The following SLC24A2 variants were observed in gnomAD, a reference collection of about 807,000 sequenced individuals.
The protein encoded by SLC24A2 is solute carrier family 24 member 2.
A neutral mutation model predicts 62.0 loss-of-function variants in SLC24A2; 36 were observed. The observed-to-expected ratio is 0.58, with a 90% CI of 0.44 to 0.77. SLC24A2 has a LOEUF of 0.77. SLC24A2 is among the 30% of genes least tolerant of loss of function. The pLI is 0.00. For missense variants in SLC24A2, 846 were observed against 817.9 expected, an observed-to-expected ratio of 1.03 and a Z score of -0.42; for synonymous variants, 358 against 294.0, an observed-to-expected ratio of 1.22 and a Z score of -2.23.
At chr9:19,850,976 T>TACAC in the SLC24A2 span, among the ~76,000 whole-genome samples, 1 of 47,184 alleles carries the variant, frequency 2.1e-5, no homozygotes. Flanking sequence ...TGTATATATA[T>TACAC]ATATATATGT....
the SLC24A2 span, among the ~76,000 whole-genome samples, chr9:19,854,594 G>C: frequency 6.6e-6 from 1 of 152,154 alleles, no homozygotes; most frequent in Non-Finnish European, 1.5e-5. Context: ...TTTCCATGTA[G>C]TTGTGTGGTT....
At chr9:20,235,286 C>T in the SLC24A2 span, among the ~76,000 whole-genome samples, 1 of 152,244 alleles carries the variant, frequency 6.6e-6, no homozygotes, top group African/African-American at 2.4e-5. Flanking sequence ...GCAGAGGTTA[C>T]TGCTGTCTTT....
At chr9:20,252,529 C>T in the SLC24A2 span, among the ~76,000 whole-genome samples, 1 of 152,144 alleles carries the variant, frequency 6.6e-6, no homozygotes, top group Non-Finnish European at 1.5e-5. Context: ...AGGGATAGAG[C>T]ACTTGTTTCC....
chr9:20,226,533 T>G, the SLC24A2 span, among the ~76,000 whole-genome samples: 1 of 152,122 alleles, frequency 6.6e-6, no homozygotes, highest in African/African-American at 2.4e-5. Flanking sequence ...CTGCCAACAT[T>G]TGGCAGGTGG....
the SLC24A2 span, among the ~76,000 whole-genome samples, chr9:20,077,003 A>G: frequency 6.6e-6 from 1 of 150,996 alleles, no homozygotes; most frequent in Admixed American, 6.6e-5. Context: ...CACAACATGA[A>G]TGGACATGGA....
chr9:20,199,329 G>A, the SLC24A2 span, among the ~76,000 whole-genome samples: 2 of 152,210 alleles, frequency 1.3e-5, no homozygotes, highest in Non-Finnish European at 2.9e-5. Flanking sequence ...GAGCACCTAT[G>A]TGCTGAGACA....
the SLC24A2 span, among the ~76,000 whole-genome samples, chr9:20,292,173 A>T: frequency 2.6e-5 from 4 of 152,186 alleles, no homozygotes; most frequent in African/African-American, 9.7e-5. Context: ...TTGCTTGTGC[A>T]GGGGGAAACT....
At chr9:19,768,476 C>A (rs1216369012) in intron 2 of SLC24A2, among the ~76,000 whole-genome samples, 6 of 152,130 alleles carry the variant, frequency 3.9e-5, no homozygotes, top group Non-Finnish European at 7.4e-5. Context: ...TCCCAAGACC[C>A]CCACTGGATA....
intron 2 of SLC24A2, among the ~76,000 whole-genome samples, chr9:19,699,170 G>C (rs1820284292): frequency 6.6e-6 from 1 of 152,092 alleles, no homozygotes; most frequent in South Asian, 2.1e-4. Context: ...ACCTACTGCT[G>C]GGTCTCTGAG....
chr9:20,024,191 G>A, the SLC24A2 span, among the ~76,000 whole-genome samples: 1 of 152,162 alleles, frequency 6.6e-6, no homozygotes, highest in Non-Finnish European at 1.5e-5. Flanking sequence ...ACTACTTAAA[G>A]GAAAACAAAT....
intron 2 of SLC24A2, among the ~76,000 whole-genome samples, chr9:19,633,349 T>A (rs189460919): frequency 1.5e-3 from 222 of 152,360 alleles, no homozygotes; most frequent in African/African-American, 5.1e-3. Flanking sequence ...AATAAGACCA[T>A]GCTTTTGTTT....
At chr9:19,774,969 G>C (rs552524283) in intron 2 of SLC24A2, among the ~76,000 whole-genome samples, 16 of 152,292 alleles carry the variant, frequency 1.1e-4, no homozygotes, top group Middle Eastern at 3.4e-3. Context: ...CAGTATCTTG[G>C]AGATAAACTA....
At chr9:20,022,901 T>C in the SLC24A2 span, among the ~76,000 whole-genome samples, 1 of 152,208 alleles carries the variant, frequency 6.6e-6, no homozygotes, top group African/African-American at 2.4e-5. Flanking sequence ...CTATGCATGT[T>C]CACCACATTA....
the SLC24A2 span, among the ~76,000 whole-genome samples, chr9:20,172,461 A>G: frequency 8.9e-4 from 136 of 152,208 alleles, 2 homozygotes; most frequent in East Asian, 6.0e-3. Context: ...AGCAAGAGTA[A>G]CCAAGAAAAG....
chr9:19,550,391 T>G, intron 7 of SLC24A2, 123 bp from the exon 8 acceptor site: 1 of 895,004 alleles, frequency 1.1e-6, no homozygotes. Flanking sequence ...CTCGTTCCAG[T>G]AGCTTCATAT....
chr9:20,154,767 T>C, the SLC24A2 span, among the ~76,000 whole-genome samples: 1 of 151,702 alleles, frequency 6.6e-6, no homozygotes. Flanking sequence ...ATCTCCAGAT[T>C]GATGCAGTAA....
the SLC24A2 span, among the ~76,000 whole-genome samples, chr9:20,257,214 T>C: frequency 1.3e-5 from 2 of 152,224 alleles, no homozygotes; most frequent in African/African-American, 2.4e-5. Flanking sequence ...CCAGACTGGT[T>C]TGATCCCAAT....
the SLC24A2 span, among the ~76,000 whole-genome samples, chr9:20,011,549 G>T: frequency 6.6e-6 from 1 of 152,088 alleles, no homozygotes; most frequent in Non-Finnish European, 1.5e-5. Context: ...AACAAATAAG[G>T]CCTACAGGAA....
chr9:19,643,407 A>C (rs1329634626), intron 2 of SLC24A2, among the ~76,000 whole-genome samples: 1 of 152,206 alleles, frequency 6.6e-6, no homozygotes, highest in Non-Finnish European at 1.5e-5. Context: ...TTCCAGACTT[A>C]ATGGGTACCA....
Sources: gnomAD v4.1 joint callset for allele counts (sites outside exome capture counted in the v4.1 genomes callset) on GRCh38, gnomAD v4.1.1 for gene constraint, MANE v1.5 for transcripts, NCBI Gene and HGNC (gene_info 2026-07-23, HGNC 2026-07-21) for gene names.